PUF60: variants seen among roughly 807,000 people sequenced by gnomAD.
The protein encoded by PUF60 is poly(U) binding splicing factor 60.
In PUF60, 10 loss-of-function variants were observed where a neutral mutation model predicts 61.8. That is an observed-to-expected ratio of 0.16 (90% CI 0.10 to 0.27). PUF60 has a LOEUF of 0.27. PUF60 is among the 10% of genes least tolerant of loss of function. The pLI, the probability that PUF60 is intolerant of heterozygous loss-of-function variation, is 1.00. For synonymous variants in PUF60, 353 were observed against 300.9 expected (o/e 1.17, Z -1.79); for missense variants, 371 against 754.0 (o/e 0.49, Z 5.95).
rs28588764 is a variant in PUF60 at position 143,824,701 on chromosome 8, T to C, written c.25-302A>G. 5.3e-5 allele frequency: 22 copies of C among 415,504 alleles called. No homozygotes were observed. The South Asian group carries it at 7.2e-4, about 14-fold the overall frequency. 25.7% of individuals were successfully genotyped at this position (415,504 alleles called of 1,614,324 possible). On this transcript the variant is annotated intron_variant, in intron 1 of 11. Coordinates refer to ENST00000526683, the MANE Select transcript of PUF60 (RefSeq NM_078480.3). ...TGCCCCAGGCAAAAGAAAGCCATCC[T>C]CTCCTGCCGGCAGGCTGGACGGCCA... is the stretch of plus-strand genomic sequence containing the variant.
In PUF60 at chr8:143,817,286, T is replaced by C. The variant is rs1356547112; in HGVS notation, c.1144+45A>G. 6 of 1,563,484 alleles carry C rather than the reference T, an allele frequency of 3.8e-6. No individual in the cohort carries two copies. Among genetic ancestry groups the C allele is most frequent in the Non-Finnish European group, 5.2e-6 (6 of 1,157,850 alleles). On this transcript the variant is annotated intron_variant, in intron 10 of 11. Transcript: ENST00000526683. This position sits in a 1 kb window ranked among gnomAD's most constrained non-coding sequence, Gnocchi z 7.4. The stretch of plus-strand genomic sequence containing the variant: ...CAGCTGAGGGCAGCGAGCCGAGAGA[T>C]GCCAGGACAGGAGAGGAGAGGATCT...
At position 143,817,438 on chromosome 8, in the gene PUF60, C is replaced by G; in HGVS notation, c.1037G>C (p.Gly346Ala). The change falls in exon 10 of 12, where the codon GGT (glycine) becomes GCT (alanine). Residue 346 changes from glycine to alanine, a missense_variant. Transcript: ENST00000526683. This position sits in a 1 kb window ranked among gnomAD's most constrained non-coding sequence, Gnocchi z 7.4. ...CACCAGTCCAGGTGTGCCCAGGGTA[C>G]CCAGCACCGCTGCTCCGGCCACTGC... is the stretch of plus-strand genomic sequence containing the variant. ...QEAVAGAAVL[G>A]TLGTPGLVSP... is the part of the protein sequence containing the mutation. 6.2e-7 allele frequency: 1 copy of G among 1,607,922 alleles called. No individual in the cohort carries two copies. The highest frequency in any genetic ancestry group is 8.5e-7 in the Non-Finnish European group (1 of 1,178,038).
chr8:143,826,085 A>C (rs1349702837), intron 1 of PUF60, among the ~76,000 whole-genome samples: 2 of 152,246 alleles, frequency 1.3e-5, no homozygotes, highest in Admixed American at 6.5e-5. Flanking sequence ...CGGTGTTTAC[A>C]ATCGCAGCTA....
In PUF60 at chr8:143,816,514, C is replaced by T. The variant is rs1816302143; in HGVS notation, c.*6G>A. 4 of 1,601,062 alleles carry T rather than the reference C, an allele frequency of 2.5e-6. No homozygotes were observed. The East Asian group carries it at 6.7e-5, about 27-fold the overall frequency. On this transcript the variant is annotated 3_prime_UTR_variant, in exon 12 of 12. Transcript: ENST00000526683. ...ACAAGTGCAAGTCCGGGGAGAGGGA[C>T]CACTGTCACGCAGAGAGGTCACTGT...
intron 1 of PUF60, among the ~76,000 whole-genome samples, chr8:143,828,043 C>T (rs772748494): frequency 8.5e-5 from 13 of 152,228 alleles, no homozygotes; most frequent in Non-Finnish European, 1.8e-4. Context: ...CTCTGGAGTG[C>T]CCCTCAAAGG....
intron 1 of PUF60, among the ~76,000 whole-genome samples, chr8:143,825,550 T>C (rs1394118251): frequency 3.3e-5 from 5 of 151,648 alleles, no homozygotes; most frequent in African/African-American, 1.2e-4. Context: ...TGAGACAGGG[T>C]CTGGCTCTGT....
chr8:143,824,025 C>T (rs906170244), intron 2 of PUF60, among the ~76,000 whole-genome samples: 2 of 152,262 alleles, frequency 1.3e-5, no homozygotes, highest in South Asian at 2.1e-4. Flanking sequence ...CAGGCCCCGG[C>T]GTCCCCGCCC....
intron 5 of PUF60, chr8:143,820,395 A>C: frequency 1.8e-6 from 1 of 542,642 alleles, no homozygotes. Context: ...TGGTGCTGGC[A>C]GCTACCCGCC....
At chr8:143,820,844 A>G in intron 4 of PUF60, 128 bp from the exon 5 acceptor site, 1 of 895,154 alleles carries the variant, frequency 1.1e-6, no homozygotes, top group Non-Finnish European at 1.8e-6. Flanking sequence ...CTGCCTTCCC[A>G]CACTGCCGGC....
Position 143,824,341 on chromosome 8 carries a change from G to A in PUF60, c.83C>T (p.Ala28Val), listed in dbSNP as rs774961602. The A allele has an allele frequency of 6.2e-7, 1 of 1,612,426 alleles. No homozygotes were observed. Among genetic ancestry groups the A allele is most frequent in the Non-Finnish European group, 8.5e-7 (1 of 1,179,676 alleles). ...TGGAGGTTTCCATTTGTCTCCCGCT[G>A]CCACCACTGCCGCCGCCGCCGCCGG... Reference protein sequence around the residue: ...SEPAAAAAVVAAGDKWKPPQG... With the variant: ...SEPAAAAAVVVAGDKWKPPQG... Residue 28 changes from alanine to valine, a missense_variant, in exon 2 of 12, where the codon GCA becomes GTA. Ala to Val is a moderately conservative substitution (Grantham distance 64). Coordinates refer to ENST00000526683, the MANE Select transcript of PUF60 (RefSeq NM_078480.3).
At chr8:143,827,123 G>A (rs1586620624) in intron 1 of PUF60, 2 of 319,972 alleles carry the variant, frequency 6.3e-6, no homozygotes, top group South Asian at 4.7e-5. Context: ...TCAGCTGCCA[G>A]CAAAGAATGC....
rs995522325 is a variant in PUF60 at position 143,818,660 on chromosome 8, G to A, written c.349-126C>T. ...GGGAGGGCTCCCCACATGACAGGGAGGTGCGGGCTCCATCCCTGCAGTCAT... is the reference window on the plus strand; with the variant it reads ...GGGAGGGCTCCCCACATGACAGGGAAGTGCGGGCTCCATCCCTGCAGTCAT... On this transcript the variant is annotated intron_variant, in intron 5 of 11. Coordinates refer to ENST00000526683, the MANE Select transcript of PUF60 (RefSeq NM_078480.3). This position sits in a 1 kb window ranked among gnomAD's most constrained non-coding sequence, Gnocchi z 7.9. 2 of 1,032,410 alleles carry A rather than the reference G, an allele frequency of 1.9e-6. No homozygotes were observed. Among genetic ancestry groups the A allele is most frequent in the Non-Finnish European group, 2.7e-6 (2 of 729,294 alleles). The allele number at this position is 1,032,410 out of a possible 1,614,324, so 64.0% of individuals were successfully genotyped here. A position where few individuals can be genotyped will look rare whatever the true frequency, so the allele number is the denominator to read the frequency against.
chr8:143,821,925 G>A lies in PUF60; in HGVS notation c.112-12C>T, dbSNP rs763563534. The A allele has an allele frequency of 1.3e-6, 2 of 1,576,276 alleles. No individual in the cohort carries two copies. The highest frequency in any genetic ancestry group is 1.7e-4 in the Middle Eastern group (1 of 5,966). On this transcript the variant is annotated splice_polypyrimidine_tract_variant and intron_variant, in intron 2 of 11. Transcript: ENST00000526683. The stretch of plus-strand genomic sequence containing the variant: ...ATGGAGTCTGTGCCCTGGTAAGGGA[G>A]CAGGGGAATCCATCAGCAGCAAGCT...
At chr8:143,821,301 G>A (rs960405627) in intron 4 of PUF60, 13 of 557,874 alleles carry the variant, frequency 2.3e-5, no homozygotes, top group East Asian at 9.1e-5. Flanking sequence ...CAGGGAGCAC[G>A]GGAGAGACCA....
At chr8:143,828,424 T>C (rs541363452) in intron 1 of PUF60, among the ~76,000 whole-genome samples, 1 of 152,334 alleles carries the variant, frequency 6.6e-6, no homozygotes, top group African/African-American at 2.4e-5. Context: ...AGCTAAGTGG[T>C]GAGAAGGAAA....
chr8:143,821,535 G>A lies in PUF60; in HGVS notation c.297+62C>T, dbSNP rs553226230. The A allele has an allele frequency of 1.5e-4, 211 of 1,367,386 alleles. 3 individuals carry two copies. In the South Asian group the frequency reaches 2.2e-3, roughly 14 times the overall value. 84.7% of individuals were successfully genotyped at this position (1,367,386 alleles called of 1,614,324 possible). A position where few individuals can be genotyped will look rare whatever the true frequency, so the allele number is the denominator to read the frequency against. On this transcript the variant is annotated intron_variant, in intron 4 of 11. Transcript: ENST00000526683. Reference sequence around the variant, plus strand: ...CCGCAGGCCCAGGAGGAGGAAGAGCGTGAAGAGGAGGAGATGGTGGCTGTG... The same window carrying A: ...CCGCAGGCCCAGGAGGAGGAAGAGCATGAAGAGGAGGAGATGGTGGCTGTG...
At chr8:143,827,195 G>A (rs975900700) in intron 1 of PUF60, 7 of 339,038 alleles carry the variant, frequency 2.1e-5, no homozygotes, top group Admixed American at 4.2e-5. Context: ...GATAAGAAAG[G>A]AGTGGCTATG....
Position 143,824,272 on chromosome 8 carries a change from AGGCGGGCG to A in PUF60, c.111+33_111+40del, listed in dbSNP as rs768496482. On this transcript the variant is annotated intron_variant, in intron 2 of 11. Transcript: ENST00000526683. ...CAGGCAGGCGGGCGGGCGGGCGGGC[AGGCGGGCG>A]GGCCTGAGGGAGAGGATGCTTAAGG... The A allele has an allele frequency of 1.4e-6, 2 of 1,474,206 alleles. 1 individual carries two copies. Among genetic ancestry groups the A allele is most frequent in the Non-Finnish European group, 1.8e-6 (2 of 1,093,790 alleles). 91.3% of individuals were successfully genotyped at this position (1,474,206 alleles called of 1,614,324 possible).
rs1279520614 is a variant in PUF60, at chr8:143,817,379, T to C, written c.1096A>G (p.Thr366Ala). The change falls in exon 10 of 12, where the codon ACT becomes GCT. Residue 366 changes from threonine (T) to alanine (A), a missense_variant. This residue lies in a region of PUF60 where 31 missense variants were observed against 61.6 expected (regional missense o/e 0.50). Coordinates refer to ENST00000526683, the MANE Select transcript of PUF60 (RefSeq NM_078480.3). This position sits in a 1 kb window ranked among gnomAD's most constrained non-coding sequence, Gnocchi z 7.4. ...GCAGCCATGACAGCCTGGGGCAAAG[T>C]GCCCAGGGGCTGGGCCAGGGTCAGT... Reference protein sequence around the residue: ...PALTLAQPLGTLPQAVMAAQA... With the variant: ...PALTLAQPLGALPQAVMAAQA... 1 of 1,593,602 alleles carries C rather than the reference T, an allele frequency of 6.3e-7. No individual in the cohort carries two copies. The highest frequency in any genetic ancestry group is 1.1e-5 in the South Asian group (1 of 88,038).
Sources: allele counts gnomAD v4.1 joint callset (sites outside exome capture counted in the v4.1 genomes callset), GRCh38; gene constraint gnomAD v4.1.1; regional missense constraint gnomAD v4.1.1; non-coding constraint Gnocchi (gnomAD v3.1); transcripts MANE v1.5; gene names NCBI Gene and HGNC (gene_info 2026-07-23, HGNC 2026-07-21).